RBM4: variants seen among roughly 807,000 people sequenced by gnomAD.
RBM4 encodes the protein RNA binding motif protein 4, also known as RNA-binding protein 4.
RBM4 carries 7 observed loss-of-function variants against 29.5 expected under a neutral mutation model. The ratio of observed to expected loss-of-function variants is 0.24; its 90% CI spans 0.14 to 0.45. RBM4 has a LOEUF of 0.45. RBM4 is among the 20% of genes least tolerant of loss of function. RBM4 has a pLI of 1.00. For missense variants in RBM4, 387 were observed against 502.3 expected (o/e 0.77, Z 2.19); for synonymous variants, 220 against 205.4 (o/e 1.07, Z -0.61).
At chr11:66,649,520 T>C (rs1938780060), downstream of RBM4, among the ~76,000 whole-genome samples, 1 of 152,126 alleles carries the variant, frequency 6.6e-6, no homozygotes, top group Admixed American at 6.6e-5. Context: ...CCAGCCTAGG[T>C]GACAGAGCAA....
rs1284997967 is a variant in RBM4 at position 66,655,899 on chromosome 11, G to GT, written c.413-9947dup. 1.2e-3 allele frequency among the ~76,000 whole-genome samples: 187 copies of GT among 149,728 alleles called. No individual in the cohort carries two copies. The East Asian group carries it at 0.022, about 18-fold the overall frequency. ...TTTTTTAAAAAATCAGCTTTTCTGA[G>GT]TTTTTTTTTTAAACACCCTTTCAAC... On this transcript the variant is annotated intron_variant, in intron 2 of 2. Transcript: ENST00000396053.
At chr11:66,659,710 T>TA (rs1313904337) in intron 2 of RBM4, among the ~76,000 whole-genome samples, 1 of 152,180 alleles carries the variant, frequency 6.6e-6, no homozygotes, top group African/African-American at 2.4e-5. Context: ...TAGTCATTCT[T>TA]ACGCCCTCCC....
intron 2 of RBM4, among the ~76,000 whole-genome samples, chr11:66,660,208 C>T (rs914621123): frequency 6.7e-6 from 1 of 148,902 alleles, no homozygotes; most frequent in African/African-American, 2.5e-5. Context: ...CAGGTCTTAG[C>T]TTCAGGATCA....
At chr11:66,657,007 T>G (rs983572134) in intron 2 of RBM4, among the ~76,000 whole-genome samples, 1 of 152,118 alleles carries the variant, frequency 6.6e-6, no homozygotes, top group Non-Finnish European at 1.5e-5. Context: ...GGTTACAATC[T>G]TGTTCCCATT....
rs1324976467 is a variant in RBM4 at position 66,639,743 on chromosome 11, G to T, written c.32G>T (p.Arg11Leu). The change falls in exon 2 of 4, where the codon CGG (arginine) becomes CTG (leucine). Residue 11 changes from arginine to leucine, a missense_variant. Around this residue, in one of 2 missense-constraint regions of RBM4, gnomAD observed 106 missense variants for 213.6 expected, o/e 0.50. Transcript: ENST00000310092. MVKLFIGNLP[R>L]EATEQEIRSL... Reference sequence around the variant, plus strand: ...AAGCTGTTCATCGGAAACCTGCCCCGGGAGGCTACAGAGCAGGAGATTCGC... The same window carrying T: ...AAGCTGTTCATCGGAAACCTGCCCCTGGAGGCTACAGAGCAGGAGATTCGC... 6.2e-7 allele frequency: 1 copy of T among 1,614,048 alleles called. No individual in the cohort carries two copies.
intron 2 of RBM4, among the ~76,000 whole-genome samples, chr11:66,651,738 A>G (rs1161911489): frequency 6.6e-6 from 1 of 152,120 alleles, no homozygotes; most frequent in Non-Finnish European, 1.5e-5. Context: ...TATTTCTCAC[A>G]GTTTCGGAGG....
At position 66,653,805 on chromosome 11, in the gene RBM4, CTCTT is replaced by C. The variant is rs555340814; in HGVS notation, c.413-12049_413-12046del. Among the ~76,000 whole-genome samples the C allele has an allele frequency of 2.6e-3, 390 of 151,224 alleles. 1 individual carries two copies. The highest frequency in any genetic ancestry group is 9.0e-3 in the African/African-American group (370 of 41,204). ...AAATTATACATGGGTTTTCTTTTTT[CTCTT>C]TTTTTTTTTCTTTTTTTTTTCTGAG... On this transcript the variant is annotated intron_variant, in intron 2 of 2. Coordinates refer to the RBM4 transcript ENST00000396053.
downstream of RBM4, among the ~76,000 whole-genome samples, chr11:66,646,830 AG>A (rs1938706465): frequency 6.6e-6 from 1 of 152,272 alleles, no homozygotes; most frequent in African/African-American, 2.4e-5. Flanking sequence ...AGGGAAAAGG[AG>A]GGGTTTAGGG....
At chr11:66,640,746 A>G (rs1590860569) in intron 2 of RBM4, 1 of 152,710 alleles carries the variant, frequency 6.5e-6, no homozygotes, top group Admixed American at 6.5e-5. Flanking sequence ...CTGTCTTTTC[A>G]TTGGTTTGGG....
downstream of RBM4, among the ~76,000 whole-genome samples, chr11:66,646,689 A>G (rs967335355): frequency 6.6e-6 from 1 of 152,166 alleles, no homozygotes; most frequent in African/African-American, 2.4e-5. Flanking sequence ...CCACTGGTCC[A>G]CCTTTGTTAT....
chr11:66,643,912 C>G lies in RBM4; in HGVS notation c.875C>G (p.Ala292Gly), dbSNP rs745344458. ...AAATAAAAAAAAAAVTAASTS... is the reference protein window; with the variant it reads ...AAATAAAAAAGAAAVTAASTS... ...GCCACAGCTGCTGCTGCAGCAGCAGCCGCTGCTGCTGTTACTGCAGCTTCC... is the reference window on the plus strand; with the variant it reads ...GCCACAGCTGCTGCTGCAGCAGCAGGCGCTGCTGCTGTTACTGCAGCTTCC... The change falls in exon 3 of 4, where the codon GCC becomes GGC. Residue 292 changes from alanine (A) to glycine (G), a missense_variant. Coordinates refer to ENST00000310092, the MANE Select transcript of RBM4 (RefSeq NM_002896.4). This position sits in a 1 kb window ranked among gnomAD's most constrained non-coding sequence, Gnocchi z 6.1. The G allele has an allele frequency of 3.0e-5, 48 of 1,611,376 alleles. No homozygotes were observed. The highest frequency in any genetic ancestry group is 1.6e-4 in the Middle Eastern group (1 of 6,076).
chr11:66,657,682 CAAAAAAAAAA>C (rs763265823), intron 2 of RBM4, among the ~76,000 whole-genome samples: 4 of 28,058 alleles, frequency 1.4e-4, no homozygotes, highest in Non-Finnish European at 3.0e-4. Flanking sequence ...GATTCCATCT[CAAAAAAAAAA>C]AAAAAAAAAA....
downstream of RBM4, among the ~76,000 whole-genome samples, chr11:66,647,353 A>C (rs1168227200): frequency 6.6e-6 from 1 of 152,074 alleles, no homozygotes; most frequent in Non-Finnish European, 1.5e-5. Context: ...TTTTTAAATT[A>C]ATTGTTTCCT....
At chr11:66,657,661 C>T (rs567040804) in intron 2 of RBM4, among the ~76,000 whole-genome samples, 84 of 126,522 alleles carry the variant, frequency 6.6e-4, no homozygotes, top group African/African-American at 1.9e-3. Context: ...CTAGCCTGGG[C>T]GACAGAGCAA....
chr11:66,665,630 G>A, intron 2 of RBM4: 4 of 1,535,410 alleles, frequency 2.6e-6, no homozygotes, highest in Non-Finnish European at 2.6e-6. Context: ...AGAGCAGCCT[G>A]GCTCCGCGTA....
intron 2 of RBM4, among the ~76,000 whole-genome samples, chr11:66,662,313 G>C (rs1209808860): frequency 6.6e-6 from 1 of 152,158 alleles, no homozygotes; most frequent in Non-Finnish European, 1.5e-5. Context: ...ATCACTGCCA[G>C]GAGTGTTATT....
chr11:66,646,777 A>G (rs1343335616), downstream of RBM4, among the ~76,000 whole-genome samples: 1 of 152,208 alleles, frequency 6.6e-6, no homozygotes, highest in African/African-American at 2.4e-5. Context: ...TAAGACTACC[A>G]TTCCAATCAC....
intron 2 of RBM4, among the ~76,000 whole-genome samples, chr11:66,658,843 A>G (rs1939014131): frequency 6.6e-6 from 1 of 151,824 alleles, no homozygotes; most frequent in Non-Finnish European, 1.5e-5. Flanking sequence ...AGGCTGAGAC[A>G]GGAGAATTGC....
exon 3 of RBM4, chr11:66,666,210 C>G: frequency 1.2e-6 from 1 of 859,490 alleles, no homozygotes. Flanking sequence ...ATTCTCTAAT[C>G]CTTCTATTGA....
Sources: gnomAD v4.1 joint callset for allele counts (sites outside exome capture counted in the v4.1 genomes callset) on GRCh38, gnomAD v4.1.1 for gene constraint, gnomAD v4.1.1 regional missense constraint, Gnocchi (gnomAD v3.1) non-coding constraint, MANE v1.5 for transcripts, NCBI Gene and HGNC (gene_info 2026-07-23, HGNC 2026-07-21) for gene names.